The following CARS2 variants were observed in gnomAD, a reference collection of about 807,000 sequenced individuals.
CARS2 encodes the protein probable cysteine--tRNA ligase, mitochondrial.
A neutral mutation model predicts 68.8 loss-of-function variants in CARS2; 52 were observed. That is an observed-to-expected ratio of 0.76 (90% CI 0.61 to 0.95). The LOEUF (loss-of-function observed/expected upper bound fraction) is 0.95, where lower values mean the gene tolerates loss of function less well. CARS2 is among the 40% of genes least tolerant of loss of function. The pLI, the probability that CARS2 is intolerant of heterozygous loss-of-function variation, is 0.00. For missense variants in CARS2, 780 were observed against 754.2 expected, an observed-to-expected ratio of 1.03 and a Z score of -0.40; for synonymous variants, 314 against 303.6, an observed-to-expected ratio of 1.03 and a Z score of -0.36.
chr13:110,699,499 C>T (rs907474932), intron 3 of CARS2, among the ~76,000 whole-genome samples: 5 of 152,214 alleles, frequency 3.3e-5, no homozygotes, highest in Non-Finnish European at 7.3e-5. Context: ...GACTACATCT[C>T]GTCTACATCA....
Position 110,661,171 on chromosome 13 carries a change from T to C in CARS2, c.987+2280A>G, listed in dbSNP as rs2062495119. On this transcript the variant is annotated intron_variant, in intron 9 of 14. Transcript: ENST00000257347. Reference sequence around the variant, plus strand: ...CCCTAACAATAGTCAGCCTGTCCTTTGAAGCTCTGAAGCCAGCCATTGACT... The same window carrying C: ...CCCTAACAATAGTCAGCCTGTCCTTCGAAGCTCTGAAGCCAGCCATTGACT... 2.0e-5 allele frequency among the ~76,000 whole-genome samples: 3 copies of C among 152,362 alleles called. No individual in the cohort carries two copies. The South Asian group carries it at 6.2e-4, about 32-fold the overall frequency.
intron 9 of CARS2, chr13:110,663,075 T>G (rs1172357762): frequency 4.2e-6 from 2 of 471,058 alleles, no homozygotes; most frequent in East Asian, 1.3e-4. Flanking sequence ...CAGCAAAACC[T>G]AAACAAATCC....
At chr13:110,712,841 T>G (rs2064048287) in intron 1 of CARS2, 2 of 1,041,990 alleles carry the variant, frequency 1.9e-6, no homozygotes, top group Non-Finnish European at 2.9e-6. Context: ...AGGAAGCAGC[T>G]TCCCTCTCAG....
At chr13:110,712,923 C>G (rs1007915560) in intron 1 of CARS2, 4 of 1,554,284 alleles carry the variant, frequency 2.6e-6, no homozygotes, top group African/African-American at 2.7e-5. Flanking sequence ...TGACGGATGG[C>G]GCAGGCGCGG....
At chr13:110,648,481 CT>C (rs2062108620) in intron 10 of CARS2, 1 of 152,286 alleles carries the variant, frequency 6.6e-6, no homozygotes, top group Non-Finnish European at 1.5e-5. Context: ...GCAGCACAGA[CT>C]GCAAGGGATG....
exon 1 of CARS2, chr13:110,713,290 A>C: frequency 7.8e-7 from 1 of 1,276,820 alleles, no homozygotes; most frequent in East Asian, 3.3e-5. Flanking sequence ...GAGTTGCGGT[A>C]GTTGCTGTGT....
In CARS2 at chr13:110,651,073, C is replaced by A; in HGVS notation, c.1015G>T (p.Val339Phe). 4 of 1,613,648 alleles carry A rather than the reference C, an allele frequency of 2.5e-6. No individual in the cohort carries two copies. Among genetic ancestry groups the A allele is most frequent in the Non-Finnish European group, 3.4e-6 (4 of 1,179,978 alleles). ...KDFLKTFSPDVFRFFCLRSSY... is the reference protein window; with the variant it reads ...KDFLKTFSPDFFRFFCLRSSY... ...CTCCGCAGGCAGAAGAACCGGAAGA[C>A]ATCGGGGGAAAAGGTCTTCAGAAAG... The change falls in exon 10 of 15, where the codon GTC (valine) becomes TTC (phenylalanine). Residue 339 changes from valine (V) to phenylalanine (F), a missense_variant. Coordinates refer to ENST00000257347, the MANE Select transcript of CARS2 (RefSeq NM_024537.4).
In CARS2 at chr13:110,665,464, T is replaced by TTCCC. The variant is rs1490861936; in HGVS notation, c.919+1872_919+1875dup. The stretch of plus-strand genomic sequence containing the variant: ...TGTTTCAACAACAACAGCAAATGCT[T>TTCCC]TCCCATTCCCACATCGGAAGGTGAA... On this transcript the variant is annotated intron_variant, in intron 8 of 14. Transcript: ENST00000257347. The surrounding 1 kb of genome is among the most constrained non-coding windows in gnomAD (Gnocchi z 4.3). 1.0e-6 allele frequency: 1 copy of TTCCC among 985,348 alleles called. No individual in the cohort carries two copies. Among genetic ancestry groups the TTCCC allele is most frequent in the Admixed American group, 6.1e-5 (1 of 16,270 alleles). 61.0% of individuals were successfully genotyped at this position (985,348 alleles called of 1,614,324 possible).
rs2063901749 is a variant in CARS2 at position 110,705,103 on chromosome 13, TCC to T, written c.275+416_275+417del. 6.6e-6 allele frequency among the ~76,000 whole-genome samples: 1 copy of T among 152,172 alleles called. No individual in the cohort carries two copies. The highest frequency in any genetic ancestry group is 2.1e-4 in the South Asian group (1 of 4,832). On this transcript the variant is annotated intron_variant, in intron 2 of 14. Transcript: ENST00000257347. This position sits in a 1 kb window ranked among gnomAD's most constrained non-coding sequence, Gnocchi z 4.0. Reference sequence around the variant, plus strand: ...ATTATTTACTAAAATTGTTATAAGATCCAAGTTATCATTCCCATCTCAAAGAT... The same window carrying T: ...ATTATTTACTAAAATTGTTATAAGATAAGTTATCATTCCCATCTCAAAGAT...
intron 7 of CARS2, among the ~76,000 whole-genome samples, chr13:110,673,691 A>G (rs957522448): frequency 6.6e-6 from 1 of 152,140 alleles, no homozygotes; most frequent in South Asian, 2.1e-4. Flanking sequence ...CCTATTTAAC[A>G]TAGTGTTGGA....
intron 9 of CARS2, among the ~76,000 whole-genome samples, chr13:110,654,874 C>A (rs1222320131): frequency 7.0e-6 from 1 of 143,326 alleles, no homozygotes; most frequent in Non-Finnish European, 1.5e-5. Context: ...TAGGACTGCA[C>A]CAGGTGCCAC....
chr13:110,711,208 G>A (rs1362937882), upstream of CARS2, among the ~76,000 whole-genome samples: 2 of 148,934 alleles, frequency 1.3e-5, no homozygotes, highest in African/African-American at 4.9e-5. Flanking sequence ...ATGTTATCTT[G>A]TCGTAGTCTT....
chr13:110,682,382 G>T (rs1156582232), intron 6 of CARS2, among the ~76,000 whole-genome samples: 1 of 152,164 alleles, frequency 6.6e-6, no homozygotes, highest in African/African-American at 2.4e-5. Flanking sequence ...AGGGCACCAC[G>T]GCGGGGGAAG....
chr13:110,679,576 AAAG>A (rs2063082208), intron 6 of CARS2, among the ~76,000 whole-genome samples: 1 of 66,372 alleles, frequency 1.5e-5, no homozygotes, highest in Admixed American at 2.1e-4. Flanking sequence ...AAAGAGAGAG[AAAG>A]AAAGAAAGAA....
chr13:110,693,589 G>C (rs2063538308), intron 3 of CARS2, among the ~76,000 whole-genome samples: 1 of 152,094 alleles, frequency 6.6e-6, no homozygotes, highest in African/African-American at 2.4e-5. Flanking sequence ...TCGATCTCCT[G>C]ACCTCGTGAT....
chr13:110,663,060 G>A, intron 9 of CARS2: 2 of 464,684 alleles, frequency 4.3e-6, no homozygotes, highest in Non-Finnish European at 8.6e-6. Context: ...CCTATTAAGG[G>A]CAAACAGCAA....
In CARS2 at chr13:110,677,120, G is replaced by A. The variant is rs777289486; in HGVS notation, c.656-17C>T. On this transcript the variant is annotated splice_polypyrimidine_tract_variant and intron_variant, in intron 6 of 14. Coordinates refer to ENST00000257347, the MANE Select transcript of CARS2 (RefSeq NM_024537.4). ...CAGAGTCCGCTGCAGATGACAAACG[G>A]TACATCAGTGGGAAGAAGCTCAGTC... 1.1e-5 allele frequency: 18 copies of A among 1,590,280 alleles called. No individual in the cohort carries two copies. Among genetic ancestry groups the A allele is most frequent in the South Asian group, 3.4e-5 (3 of 89,368 alleles).
At chr13:110,696,207 T>C (rs1200645483) in intron 3 of CARS2, among the ~76,000 whole-genome samples, 2 of 152,260 alleles carry the variant, frequency 1.3e-5, no homozygotes, top group Non-Finnish European at 2.9e-5. Context: ...TCTTTGCTAT[T>C]GTGGACAGTG....
In CARS2 at chr13:110,696,230, T is replaced by C. The variant is rs1479614774; in HGVS notation, c.393+5208A>G. Among the ~76,000 whole-genome samples, 3 of 152,328 alleles carry C rather than the reference T, an allele frequency of 2.0e-5. No homozygotes were observed. In the East Asian group the frequency reaches 5.8e-4, roughly 29 times the overall value. On this transcript the variant is annotated intron_variant, in intron 3 of 14. Transcript: ENST00000257347. ...ATTGTGGACAGTGCTGCAATAAACA[T>C]ACGTGTGTATGTGTCTTTATAGTAG...
Sources: allele counts gnomAD v4.1 joint callset (sites outside exome capture counted in the v4.1 genomes callset), GRCh38; gene constraint gnomAD v4.1.1; non-coding constraint Gnocchi (gnomAD v3.1); transcripts MANE v1.5; gene names NCBI Gene and HGNC (gene_info 2026-07-23, HGNC 2026-07-21).